Variants in ERBB4 observed in about 807,000 individuals in gnomAD.
The protein encoded by ERBB4 is erb-b2 receptor tyrosine kinase 4, also known as receptor tyrosine-protein kinase erbB-4.
A neutral mutation model predicts 158.0 loss-of-function variants in ERBB4; 42 were observed. The ratio of observed to expected loss-of-function variants is 0.27; its 90% CI spans 0.21 to 0.34. The LOEUF is 0.34. ERBB4 is among the 10% of genes least tolerant of loss of function. The pLI is 1.00. For missense variants in ERBB4, 1,333 were observed against 1,624.1 expected (o/e 0.82, Z 3.08); for synonymous variants, 583 against 558.7 (o/e 1.04, Z -0.61).
chr2:211,749,613 A>G (rs988913150), intron 5 of ERBB4, among the ~76,000 whole-genome samples: 1 of 152,312 alleles, frequency 6.6e-6, no homozygotes, highest in Admixed American at 6.5e-5. Flanking sequence ...GAAATCATTT[A>G]TCATTGGAAA....
At chr2:211,977,111 C>T (rs146634823) in intron 2 of ERBB4, among the ~76,000 whole-genome samples, 125 of 152,260 alleles carry the variant, frequency 8.2e-4, no homozygotes, top group African/African-American at 2.9e-3. Flanking sequence ...ATAGAAATGA[C>T]ATCCTATGTC....
chr2:212,016,970 C>T (rs1487083695), intron 2 of ERBB4, among the ~76,000 whole-genome samples: 1 of 152,036 alleles, frequency 6.6e-6, no homozygotes, highest in Non-Finnish European at 1.5e-5. Context: ...GCATGGAAAA[C>T]ATCAAATGAT....
intron 2 of ERBB4, among the ~76,000 whole-genome samples, chr2:212,002,447 A>G (rs1015669671): frequency 2.6e-5 from 4 of 152,164 alleles, no homozygotes; most frequent in Non-Finnish European, 5.9e-5. Context: ...TCCCAGACCT[A>G]TTCTCTTGTG....
intron 1 of ERBB4, among the ~76,000 whole-genome samples, chr2:212,471,797 T>C (rs1451393227): frequency 3.3e-5 from 5 of 151,912 alleles, no homozygotes; most frequent in Non-Finnish European, 7.4e-5. Context: ...AACACTGCTA[T>C]AGTATATTTA....
chr2:212,160,038 T>C (rs570033837), intron 1 of ERBB4, among the ~76,000 whole-genome samples: 12 of 152,140 alleles, frequency 7.9e-5, no homozygotes, highest in African/African-American at 2.9e-4. Context: ...CCCAAATGCG[T>C]TGTCTTCAAA....
At chr2:211,483,864 CAT>C (rs2065142084) in intron 20 of ERBB4, among the ~76,000 whole-genome samples, 1 of 151,960 alleles carries the variant, frequency 6.6e-6, no homozygotes, top group South Asian at 2.1e-4. Context: ...AATGACAACA[CAT>C]TTCTTGTTGA....
chr2:211,942,276 A>G (rs1050747264), intron 3 of ERBB4, among the ~76,000 whole-genome samples: 6 of 152,124 alleles, frequency 3.9e-5, no homozygotes, highest in African/African-American at 1.4e-4. Context: ...ATGTTCAGAT[A>G]TCACATCTTT....
chr2:211,626,873 C>T (rs963165086), intron 17 of ERBB4, among the ~76,000 whole-genome samples: 2 of 151,138 alleles, frequency 1.3e-5, no homozygotes, highest in Non-Finnish European at 2.9e-5. Flanking sequence ...TGCAGTGAGC[C>T]GAGATCGCGC....
In ERBB4 at chr2:212,299,078, CATT is replaced by C. The variant is rs1357854957; in HGVS notation, c.83-174178_83-174176del. 2.0e-5 allele frequency among the ~76,000 whole-genome samples: 3 copies of C among 151,686 alleles called. No homozygotes were observed. In the East Asian group the frequency reaches 5.8e-4, roughly 29 times the overall value. ...TATATAAATTATCTCATTTAACCCT[CATT>C]ATAATTTGTGAGCTAAGTATTATAA... On this transcript the variant is annotated intron_variant, in intron 1 of 27. Coordinates refer to ENST00000342788, the MANE Select transcript of ERBB4 (RefSeq NM_005235.3).
intron 20 of ERBB4, among the ~76,000 whole-genome samples, chr2:211,484,306 C>G (rs2065152394): frequency 6.6e-6 from 1 of 151,752 alleles, no homozygotes; most frequent in South Asian, 2.1e-4. Context: ...CTAGTTACAC[C>G]AATGATCACA....
chr2:211,604,340 T>C (rs1220469237), intron 19 of ERBB4, among the ~76,000 whole-genome samples: 1 of 152,206 alleles, frequency 6.6e-6, no homozygotes, highest in Non-Finnish European at 1.5e-5. Context: ...GAAACTGATT[T>C]TGTTCTTACT....
rs761610157 is a variant in ERBB4, at chr2:212,534,430, T to G, written c.82+4019A>C. On this transcript the variant is annotated intron_variant, in intron 1 of 27. Coordinates refer to ENST00000342788, the MANE Select transcript of ERBB4 (RefSeq NM_005235.3). ...GACTTCTCTGTGGAAAGGTTTGGCCTTGGAGTCAAGGCTTTTAAGATGTGC... is the reference window on the plus strand; with the variant it reads ...GACTTCTCTGTGGAAAGGTTTGGCCGTGGAGTCAAGGCTTTTAAGATGTGC... Among the ~76,000 whole-genome samples the G allele has an allele frequency of 1.4e-4, 21 of 152,220 alleles. 1 individual carries two copies. The highest frequency in any genetic ancestry group is 2.1e-4 in the Non-Finnish European group (14 of 68,030).
chr2:211,619,383 A>G, intron 18 of ERBB4, 108 bp from the exon 19 acceptor site: 1 of 699,292 alleles, frequency 1.4e-6, no homozygotes, highest in South Asian at 1.6e-5. Flanking sequence ...ATGTTTATTT[A>G]GCACCTGTTA....
intron 3 of ERBB4, among the ~76,000 whole-genome samples, chr2:211,942,754 A>T (rs72933774): frequency 1.3e-5 from 2 of 152,174 alleles, no homozygotes; most frequent in Non-Finnish European, 2.9e-5. Flanking sequence ...CTGAAAATAT[A>T]TAGCGTATTC....
At chr2:211,532,153 G>C (rs1042398075) in intron 20 of ERBB4, among the ~76,000 whole-genome samples, 2 of 149,244 alleles carry the variant, frequency 1.3e-5, no homozygotes, top group African/African-American at 2.6e-5. Flanking sequence ...AAGGGTTGTG[G>C]GGGGGGAAAG....
At chr2:211,909,518 A>T (rs375082814) in intron 3 of ERBB4, among the ~76,000 whole-genome samples, 3 of 151,816 alleles carry the variant, frequency 2.0e-5, no homozygotes, top group African/African-American at 4.8e-5. Context: ...ACATTATGGT[A>T]TTGTACTTAA....
chr2:212,053,797 T>C (rs977897273), intron 2 of ERBB4, among the ~76,000 whole-genome samples: 22 of 152,204 alleles, frequency 1.4e-4, no homozygotes, highest in Admixed American at 1.1e-3. Context: ...TCTGGCTAAA[T>C]CTTACGCATA....
intron 20 of ERBB4, among the ~76,000 whole-genome samples, chr2:211,524,552 A>G (rs2066285715): frequency 6.6e-6 from 1 of 152,116 alleles, no homozygotes; most frequent in South Asian, 2.1e-4. Context: ...CCAGTGAGAA[A>G]TCAAGCGCAG....
chr2:211,665,586 T>A, intron 14 of ERBB4, 109 bp from the exon 15 acceptor site: 1 of 1,008,398 alleles, frequency 9.9e-7, no homozygotes, highest in Non-Finnish European at 1.5e-6. Flanking sequence ...CAAATCTTCC[T>A]CTAAGAGAAT....
Sources: gnomAD v4.1 joint callset for allele counts (sites outside exome capture counted in the v4.1 genomes callset) on GRCh38, gnomAD v4.1.1 for gene constraint, MANE v1.5 for transcripts, NCBI Gene and HGNC (gene_info 2026-07-23, HGNC 2026-07-21) for gene names.